AFTPH: variants seen among roughly 807,000 people sequenced by gnomAD.
AFTPH encodes the protein aftiphilin protein.
In AFTPH, 7 loss-of-function variants were observed where a neutral mutation model predicts 72.5. The observed-to-expected ratio is 0.10, with a 90% CI of 0.05 to 0.18. The LOEUF (loss-of-function observed/expected upper bound fraction) is 0.18. Among genes scored for constraint, AFTPH ranks in the 10% least tolerant of loss-of-function variants. AFTPH has a pLI of 1.00. For synonymous variants in AFTPH, 337 were observed against 370.1 expected, an observed-to-expected ratio of 0.91 and a Z score of 1.03; for missense variants, 979 against 1,060.5, an observed-to-expected ratio of 0.92 and a Z score of 1.07.
rs796671766 is a variant in AFTPH, at chr2:64,543,741, T to C, written c.-32-7702T>C. ...TCCAACTTTGTTTTTCTTGAGAAAC[T>C]ATTTTTAAATGGCCAAATAGTCTCA... On this transcript the variant is annotated intron_variant, in intron 1 of 8. Coordinates refer to ENST00000238856, the Ensembl canonical transcript of AFTPH. 5.9e-5 allele frequency among the ~76,000 whole-genome samples: 9 copies of C among 152,338 alleles called. 1 individual carries two copies. The highest frequency in any genetic ancestry group is 2.2e-4 in the African/African-American group (9 of 41,580).
At chr2:64,579,686 GAACAGTAATTGCTCAA>G in intron 7 of AFTPH, 140 bp downstream of exon 7, 1 of 696,870 alleles carries the variant, frequency 1.4e-6, no homozygotes, top group Non-Finnish European at 2.3e-6. Context: ...CTTTCTTTCT[GAACAGTAATTGCTCAA>G]GAAACCAGCC....
At chr2:64,569,559 A>G in intron 4 of AFTPH, 64 bp from the exon 5 acceptor site, 1 of 1,539,136 alleles carries the variant, frequency 6.5e-7, no homozygotes. Flanking sequence ...ATATTTGGAA[A>G]CTATTTCATT....
At chr2:64,569,971 C>T (rs1238517677) in intron 5 of AFTPH, among the ~76,000 whole-genome samples, 1 of 151,974 alleles carries the variant, frequency 6.6e-6, no homozygotes, top group Non-Finnish European at 1.5e-5. Context: ...CTTTTCTAAA[C>T]TTGCTTTAAA....
At chr2:64,538,170 TA>T (rs1349306267) in intron 1 of AFTPH, among the ~76,000 whole-genome samples, 1 of 152,102 alleles carries the variant, frequency 6.6e-6, no homozygotes, top group Non-Finnish European at 1.5e-5. Flanking sequence ...CTGTGAGTCA[TA>T]GGGGAAAAAT....
At chr2:64,582,786 GTTTAAA>G (rs1426975336) in intron 7 of AFTPH, among the ~76,000 whole-genome samples, 4 of 152,052 alleles carry the variant, frequency 2.6e-5, no homozygotes, top group African/African-American at 9.7e-5. Flanking sequence ...TAAAAACCTG[GTTTAAA>G]TTTAATTTTT....
chr2:64,581,304 T>TTTATTTACTAAAAGC lies in AFTPH; in HGVS notation c.2455+1759_2455+1773dup, dbSNP rs763197651. 5 of 1,538,008 alleles carry TTTATTTACTAAAAGC rather than the reference T, an allele frequency of 3.3e-6. No homozygotes were observed. The South Asian group carries it at 6.0e-5, about 19-fold the overall frequency. ...CAGAGTGTTAAAACCACAATTCCAG[T>TTTATTTACTAAAAGC]TTATTTACTAAAAGCATGACCACAT... On this transcript the variant is annotated intron_variant, in intron 7 of 8. Transcript: ENST00000238856.
intron 1 of AFTPH, among the ~76,000 whole-genome samples, chr2:64,537,061 C>G (rs557395262): frequency 2.7e-5 from 4 of 150,748 alleles, no homozygotes; most frequent in African/African-American, 9.7e-5. Flanking sequence ...ATATAGCTTT[C>G]TCTTTTTTAA....
At chr2:64,586,293 G>C (rs1467087119) in intron 8 of AFTPH, among the ~76,000 whole-genome samples, 1 of 152,196 alleles carries the variant, frequency 6.6e-6, no homozygotes, top group Admixed American at 6.5e-5. Context: ...CAGCTCTGCT[G>C]TCTCAAATCT....
intron 7 of AFTPH, 151 bp from the exon 8 acceptor site, chr2:64,581,039 T>G: frequency 3.6e-6 from 2 of 551,188 alleles, no homozygotes; most frequent in Non-Finnish European, 6.5e-6. Context: ...ACTGTACACA[T>G]TGTTTTAATG....
At chr2:64,576,715 T>G (rs1348569337) in intron 6 of AFTPH, among the ~76,000 whole-genome samples, 1 of 152,208 alleles carries the variant, frequency 6.6e-6, no homozygotes, top group Non-Finnish European at 1.5e-5. Context: ...ATCAGAATTT[T>G]AGAGCTAGAA....
intron 1 of AFTPH, among the ~76,000 whole-genome samples, chr2:64,549,970 C>T (rs1670932409): frequency 6.6e-6 from 1 of 152,016 alleles, no homozygotes; most frequent in African/African-American, 2.4e-5. Flanking sequence ...GTGAAAAAAT[C>T]AATTGATTTG....
chr2:64,579,102 C>CA (rs1673006212), intron 6 of AFTPH: 1 of 160,502 alleles, frequency 6.2e-6, no homozygotes, highest in African/African-American at 2.4e-5. Flanking sequence ...TGTAAGGAAC[C>CA]AGACAGACCT....
exon 2 of AFTPH, chr2:64,552,449 T>G (rs778348372): frequency 6.2e-7 from 1 of 1,614,024 alleles, no homozygotes; most frequent in Non-Finnish European, 8.5e-7. Context: ...AGGATGAATT[T>G]TTACAGTCAG....
intron 7 of AFTPH, among the ~76,000 whole-genome samples, chr2:64,581,792 T>C (rs1379446973): frequency 1.3e-5 from 2 of 152,246 alleles, no homozygotes; most frequent in Non-Finnish European, 2.9e-5. Context: ...GCACTAAGTA[T>C]ATAGTCCCAC....
chr2:64,549,591 G>A (rs558247592), intron 1 of AFTPH, among the ~76,000 whole-genome samples: 1 of 152,048 alleles, frequency 6.6e-6, no homozygotes, highest in Non-Finnish European at 1.5e-5. Context: ...AAAGTGCTGG[G>A]ATTATAGGTG....
intron 1 of AFTPH, among the ~76,000 whole-genome samples, chr2:64,537,607 G>A (rs1669967124): frequency 6.6e-6 from 1 of 152,160 alleles, no homozygotes; most frequent in Non-Finnish European, 1.5e-5. Context: ...ATTGCTAAAT[G>A]CTTTCTGAAA....
chr2:64,552,971 C>T (rs1321816211), exon 2 of AFTPH: 1 of 1,614,030 alleles, frequency 6.2e-7, no homozygotes, highest in Non-Finnish European at 8.5e-7. Context: ...CAAAGTCAGA[C>T]CTAAAACAGA....
At chr2:64,540,639 A>G (rs1670190021) in intron 1 of AFTPH, among the ~76,000 whole-genome samples, 2 of 152,150 alleles carry the variant, frequency 1.3e-5, no homozygotes, top group African/African-American at 4.8e-5. Context: ...AGCTCATGTA[A>G]CTGACATTAT....
Position 64,528,389 on chromosome 2 carries a change from C to G in AFTPH, c.-33+3777C>G, listed in dbSNP as rs72812095. Among the ~76,000 whole-genome samples, 515 of 152,308 alleles carry G rather than the reference C, an allele frequency of 3.4e-3. 2 individuals are homozygous for G. The highest frequency in any genetic ancestry group is 0.017 in the Middle Eastern group (5 of 292). On this transcript the variant is annotated intron_variant, in intron 1 of 8. Coordinates refer to ENST00000238856, the Ensembl canonical transcript of AFTPH. ...CAAACAAGAAAAAAAATCTGCCCTC[C>G]TACAGCTTCAGTTTCTTTATGTATA...
Sources: gnomAD v4.1 joint callset for allele counts (sites outside exome capture counted in the v4.1 genomes callset) on GRCh38, gnomAD v4.1.1 for gene constraint, MANE v1.5 for transcripts, NCBI Gene and HGNC (gene_info 2026-07-23, HGNC 2026-07-21) for gene names.